The following MGAM variants were observed in gnomAD, a reference collection of about 807,000 sequenced individuals.
MGAM encodes the protein alpha-1,4-glucosidase.
MGAM carries 253 observed loss-of-function variants against 358.8 expected under a neutral mutation model. The observed-to-expected ratio is 0.71, with a 90% CI of 0.64 to 0.78. The LOEUF is 0.78. Ranked by LOEUF, MGAM falls within the 30% of genes least tolerant of loss-of-function variation. MGAM has a pLI of 0.00. For synonymous variants in MGAM, 1,105 were observed against 1,227.1 expected (o/e 0.90, Z 2.08); for missense variants, 3,080 against 3,432.6 (o/e 0.90, Z 2.57).
intron 49 of MGAM, among the ~76,000 whole-genome samples, chr7:142,079,584 T>A (rs1814062988): frequency 6.8e-6 from 1 of 146,108 alleles, no homozygotes; most frequent in Non-Finnish European, 1.6e-5. Flanking sequence ...CGATTTCATT[T>A]CTTTCCAGAA....
chr7:142,065,281 G>A (rs1812610206), intron 37 of MGAM, 54 bp from the exon 38 acceptor site: 5 of 1,580,050 alleles, frequency 3.2e-6, no homozygotes, highest in East Asian at 2.3e-5. Flanking sequence ...GAAGCTCTAT[G>A]GCCTTTACTC....
Position 142,096,421 on chromosome 7 carries a change from T to C in MGAM, c.7692+6T>C, listed in dbSNP as rs1363596175. ...TCAGCCCTGTCCTGGAGCGTGTGAG[T>C]ATGGAGGCCTCCGATGAGGGGAGGA... On this transcript the variant is annotated splice_donor_region_variant and intron_variant, in intron 65 of 70. Transcript: ENST00000475668. 50 of 1,613,384 alleles carry C rather than the reference T, an allele frequency of 3.1e-5. 1 individual carries two copies. The highest frequency in any genetic ancestry group is 3.8e-5 in the Non-Finnish European group (45 of 1,179,660).
intron 34 of MGAM, among the ~76,000 whole-genome samples, chr7:142,062,102 A>G (rs1206965610): frequency 6.6e-6 from 1 of 152,186 alleles, no homozygotes; most frequent in Non-Finnish European, 1.5e-5. Flanking sequence ...GTACTTGTCT[A>G]ATATCCAGAA....
At chr7:142,025,590 G>A (rs1160906799) in intron 8 of MGAM, among the ~76,000 whole-genome samples, 1 of 152,162 alleles carries the variant, frequency 6.6e-6, no homozygotes, top group African/African-American at 2.4e-5. Context: ...TTTCTTAATT[G>A]AGAGTCATCG....
At chr7:142,097,440 G>A (rs1295366959) in intron 65 of MGAM, among the ~76,000 whole-genome samples, 153 bp from the exon 66 acceptor site, 1 of 152,160 alleles carries the variant, frequency 6.6e-6, no homozygotes, top group Non-Finnish European at 1.5e-5. Flanking sequence ...AAAAGGAAAA[G>A]GGATGGAAGG....
At chr7:142,002,558 T>C (rs1026902768) in intron 1 of MGAM, among the ~76,000 whole-genome samples, 12 of 151,824 alleles carry the variant, frequency 7.9e-5, no homozygotes, top group African/African-American at 2.9e-4. Context: ...AACCTTGGCG[T>C]AGGGAGACCA....
intron 52 of MGAM, among the ~76,000 whole-genome samples, chr7:142,082,938 A>G (rs867663674): frequency 1.4e-5 from 2 of 145,974 alleles, no homozygotes; most frequent in African/African-American, 4.9e-5. Context: ...AAAGTTACCT[A>G]TCGGGTACTA....
At chr7:142,071,437 C>T (rs1221563649) in intron 44 of MGAM, among the ~76,000 whole-genome samples, 1 of 146,622 alleles carries the variant, frequency 6.8e-6, no homozygotes, top group East Asian at 2.0e-4. Flanking sequence ...TGTTTTAGAA[C>T]TGTATCCAGT....
At chr7:142,056,433 A>C (rs1448440067) in intron 29 of MGAM, among the ~76,000 whole-genome samples, 1 of 152,138 alleles carries the variant, frequency 6.6e-6, no homozygotes, top group Non-Finnish European at 1.5e-5. Flanking sequence ...GGGGGTATTG[A>C]GGGTGTATGG....
Position 142,038,635 on chromosome 7 carries a change from T to A in MGAM, c.2316+20T>A. 1 of 1,571,354 alleles carries A rather than the reference T, an allele frequency of 6.4e-7. No individual in the cohort carries two copies. Among genetic ancestry groups the A allele is most frequent in the Non-Finnish European group, 8.7e-7 (1 of 1,150,796 alleles). ...GATGAAGTAAGTGTTCCCACAGAGA[T>A]ACACTAGAGATCTCTGCATCTGTAT... is the stretch of plus-strand genomic sequence containing the variant. On this transcript the variant is annotated intron_variant, in intron 19 of 70. Transcript: ENST00000475668.
rs757868285 is a variant in MGAM, at chr7:142,082,043, T to G, written c.6004T>G (p.Trp2002Gly). 2.5e-5 allele frequency: 39 copies of G among 1,555,228 alleles called. 5 individuals carry two copies. Among genetic ancestry groups the G allele is most frequent in the Non-Finnish European group, 3.4e-5 (38 of 1,132,228 alleles). Reference sequence around the variant, plus strand: ...CAAATCTGCCTTTTTGTGTTTCAGTTGGGACTCTCAGCTCCTTGGCTTCAC... The same window carrying G: ...CAAATCTGCCTTTTTGTGTTTCAGTGGGGACTCTCAGCTCCTTGGCTTCAC... ...IRRKSTGTII[W>G]DSQLLGFTFN... The change falls in exon 51 of 71, where the codon TGG (tryptophan) becomes GGG (glycine). Residue 2002 changes from tryptophan to glycine, a missense_variant and splice_region_variant. Physicochemically the swap from Trp to Gly is radical, Grantham distance 184. Transcript: ENST00000475668.
chr7:142,047,400 C>G (rs1810494561), intron 21 of MGAM, among the ~76,000 whole-genome samples: 1 of 152,154 alleles, frequency 6.6e-6, no homozygotes, highest in Non-Finnish European at 1.5e-5. Context: ...CCTCACAGCA[C>G]TGGACACTTC....
chr7:142,066,117 C>T (rs1338474103), intron 40 of MGAM, among the ~76,000 whole-genome samples: 7 of 144,588 alleles, frequency 4.8e-5, no homozygotes, highest in East Asian at 2.0e-4. Flanking sequence ...CACATCCCAG[C>T]GTGGCTACCT....
At chr7:142,099,827 AC>A (rs1490939718) in intron 67 of MGAM, 90 bp downstream of exon 67, 1 of 1,520,836 alleles carries the variant, frequency 6.6e-7, no homozygotes, top group East Asian at 2.4e-5. Context: ...TCACTCTCAA[AC>A]CCACATGCAA....
At chr7:142,020,468 TG>T (rs775817822) in intron 4 of MGAM, among the ~76,000 whole-genome samples, 3,981 of 152,148 alleles carry the variant, frequency 0.026, 62 homozygotes, top group Non-Finnish European at 0.04. Context: ...AATGTAATGA[TG>T]ATATCTAGCT....
intron 1 of MGAM, among the ~76,000 whole-genome samples, chr7:141,997,939 A>T (rs192969857): frequency 1.1e-3 from 170 of 152,304 alleles, no homozygotes; most frequent in African/African-American, 3.7e-3. Context: ...TCTATCCACA[A>T]TGAATCCTCT....
intron 34 of MGAM, among the ~76,000 whole-genome samples, chr7:142,061,749 T>A (rs1812225970): frequency 6.6e-6 from 1 of 152,190 alleles, no homozygotes; most frequent in South Asian, 2.1e-4. Context: ...AACATGAGTA[T>A]ATTAAAATTG....
At chr7:142,025,275 G>A in intron 8 of MGAM, 126 bp downstream of exon 8, 1 of 676,302 alleles carries the variant, frequency 1.5e-6, no homozygotes, top group Admixed American at 2.9e-5. Flanking sequence ...GGGCCTTATA[G>A]ATTCTCTAAT....
rs1338481985 is a variant in MGAM at position 142,085,595 on chromosome 7, TAGAG to T, written c.6508-235_6508-232del. ...GTATTTATCCTCAGAATAGCCATCT[TAGAG>T]AGGCATTCTCATCCTATTTTATGCT... On this transcript the variant is annotated intron_variant, in intron 54 of 70. Coordinates refer to ENST00000475668, the MANE Select transcript of MGAM (RefSeq NM_001365693.1). 2.1e-5 allele frequency among the ~76,000 whole-genome samples: 3 copies of T among 146,308 alleles called. 1 individual carries two copies. The highest frequency in any genetic ancestry group is 4.6e-5 in the Non-Finnish European group (3 of 64,582).
Sources: allele counts gnomAD v4.1 joint callset (sites outside exome capture counted in the v4.1 genomes callset), GRCh38; gene constraint gnomAD v4.1.1; transcripts MANE v1.5; gene names NCBI Gene and HGNC (gene_info 2026-07-23, HGNC 2026-07-21).